The following EDEM1 variants were observed in gnomAD, a reference collection of about 807,000 sequenced individuals.
EDEM1 encodes the protein ER degradation-enhancing alpha-mannosidase-like protein 1.
In EDEM1, 67 loss-of-function variants were observed where a neutral mutation model predicts 74.4. That is an observed-to-expected ratio of 0.90 (90% confidence interval 0.74 to 1.10). The LOEUF (loss-of-function observed/expected upper bound fraction) is 1.10, where lower values mean the gene tolerates loss of function less well. Among genes scored for constraint, EDEM1 ranks in the 50% least tolerant of loss-of-function variants. The pLI is 0.00. For missense variants in EDEM1, 926 were observed against 851.6 expected, an observed-to-expected ratio of 1.09 and a Z score of -1.09; for synonymous variants, 382 against 335.9, an observed-to-expected ratio of 1.14 and a Z score of -1.50.
chr3:5,214,651 G>C (rs578259811), intron 11 of EDEM1, among the ~76,000 whole-genome samples: 3 of 152,210 alleles, frequency 2.0e-5, no homozygotes, highest in African/African-American at 7.2e-5. Flanking sequence ...CCTGTGAGGG[G>C]TGGTTACTTT....
rs564077520 is a variant in EDEM1, at chr3:5,191,404, T to A, written c.509+3090T>A. Among the ~76,000 whole-genome samples, 222 of 151,710 alleles carry A rather than the reference T, an allele frequency of 1.5e-3. 1 individual carries two copies. The highest frequency in any genetic ancestry group is 5.1e-3 in the African/African-American group (210 of 41,346). The stretch of plus-strand genomic sequence containing the variant: ...ATGCTCGGCTAATTTTTTTTTTTTT[T>A]AATTTTTCTGTAGAAGTGGGGTCTT... On this transcript the variant is annotated intron_variant, in intron 1 of 11. Coordinates refer to ENST00000256497, the MANE Select transcript of EDEM1 (RefSeq NM_014674.3).
In EDEM1 at chr3:5,216,046, A is replaced by G; in HGVS notation, c.*128A>G. 4.3e-6 allele frequency: 3 copies of G among 700,850 alleles called. No homozygotes were observed. In the South Asian group the frequency reaches 5.6e-5, roughly 13 times the overall value. The allele number at this position is 700,850 out of a possible 1,614,324, so 43.4% of individuals were successfully genotyped here. A position where few individuals can be genotyped will look rare whatever the true frequency, so the allele number is the denominator to read the frequency against. The stretch of plus-strand genomic sequence containing the variant: ...CATGGTGGTGTAGGAATTTCTGTGC[A>G]ACACCTCACCACGTCTGGTTAATCC... On this transcript the variant is annotated 3_prime_UTR_variant, in exon 12 of 12. Transcript: ENST00000256497.
Position 5,208,248 on chromosome 3 carries a change from A to G in EDEM1, c.1494A>G (p.Thr498=), listed in dbSNP as rs747459729. The G allele has an allele frequency of 5.6e-6, 9 of 1,608,944 alleles. No individual in the cohort carries two copies. In the East Asian group the frequency reaches 8.9e-5, roughly 16 times the overall value. Residue 498 remains threonine (T), a synonymous_variant, in exon 8 of 12, where the codon ACA becomes ACG. Coordinates refer to ENST00000256497, the MANE Select transcript of EDEM1 (RefSeq NM_014674.3). ...TGAGACCAGAGTTAGTGGAATCCAC[A>G]TATCTCCTCTACCAGGTACTAGAGT... is the stretch of plus-strand genomic sequence containing the variant. ...YPLRPELVES[T]YLLYQATKNP...
chr3:5,204,871 A>C (rs1347165183), intron 5 of EDEM1, among the ~76,000 whole-genome samples, 196 bp from the exon 6 acceptor site: 1 of 152,206 alleles, frequency 6.6e-6, no homozygotes. Flanking sequence ...AGTAAATGCT[A>C]TATATTTAGA....
rs766512630 is a variant in EDEM1, at chr3:5,188,236, A to G, written c.431A>G (p.Asn144Ser). The G allele has an allele frequency of 1.9e-6, 3 of 1,583,180 alleles. No homozygotes were observed. Among genetic ancestry groups the G allele is most frequent in the East Asian group, 2.4e-5 (1 of 41,386 alleles). ...ARGMFVFGYD[N>S]YMAHAFPQDE... Reference sequence around the variant, plus strand: ...GGCATGTTCGTCTTTGGCTACGACAACTACATGGCTCACGCCTTCCCCCAG... The same window carrying G: ...GGCATGTTCGTCTTTGGCTACGACAGCTACATGGCTCACGCCTTCCCCCAG... Residue 144 changes from asparagine to serine, a missense_variant, in exon 1 of 12, where the codon AAC (asparagine) becomes AGC (serine). Asn to Ser is a conservative substitution (Grantham distance 46). Coordinates refer to ENST00000256497, the MANE Select transcript of EDEM1 (RefSeq NM_014674.3).
rs2055120369 is a variant in EDEM1 at position 5,208,082 on chromosome 3, C to G, written c.1339-11C>G. 6.3e-7 allele frequency: 1 copy of G among 1,587,630 alleles called. No individual in the cohort carries two copies. The highest frequency in any genetic ancestry group is 8.5e-7 in the Non-Finnish European group (1 of 1,170,390). On this transcript the variant is annotated splice_polypyrimidine_tract_variant and intron_variant, in intron 7 of 11. Transcript: ENST00000256497. The stretch of plus-strand genomic sequence containing the variant: ...GGTATCTCAGCCTGATGACCTGTGT[C>G]CTCTCCTTAGGTGCTGATAGGAGAT...
Position 5,213,339 on chromosome 3 carries a change from A to G in EDEM1, c.1701A>G (p.Pro567=). The change falls in exon 11 of 12, where the codon CCA becomes CCG. Residue 567 remains proline, a synonymous_variant. Transcript: ENST00000256497. Reference sequence around the variant, plus strand: ...TCTAGCTGTTTGATGAAGACAATCCAGTACACAAGTCTGGAACCAGATACA... The same window carrying G: ...TCTAGCTGTTTGATGAAGACAATCCGGTACACAAGTCTGGAACCAGATACA... ...YLYLLFDEDN[P]VHKSGTRYMF... is the part of the protein sequence containing the mutation. 1 of 1,613,812 alleles carries G rather than the reference A, an allele frequency of 6.2e-7. No homozygotes were observed. Among genetic ancestry groups the G allele is most frequent in the Non-Finnish European group, 8.5e-7 (1 of 1,179,858 alleles).
Position 5,188,168 on chromosome 3 carries a change from C to G in EDEM1, c.363C>G (p.Ala121=). Residue 121 remains alanine, a synonymous_variant, in exon 1 of 12, where the codon GCC becomes GCG. Coordinates refer to ENST00000256497, the MANE Select transcript of EDEM1 (RefSeq NM_014674.3). ...PDEYEKRYSG[A]FPPQLRAQMR... is the part of the protein sequence containing the mutation. ...AGTACGAGAAGCGCTACAGCGGCGC[C>G]TTCCCTCCGCAGCTGCGTGCCCAGA... 6.4e-7 allele frequency: 1 copy of G among 1,554,220 alleles called. No homozygotes were observed. Among genetic ancestry groups the G allele is most frequent in the Non-Finnish European group, 8.7e-7 (1 of 1,151,422 alleles).
At chr3:5,204,986 G>C (rs1406513589) in intron 5 of EDEM1, 81 bp from the exon 6 acceptor site, 6 of 1,487,642 alleles carry the variant, frequency 4.0e-6, no homozygotes, top group Non-Finnish European at 5.5e-6. Flanking sequence ...GAGCAGTGTG[G>C]TTGGAGTAGG....
At chr3:5,192,547 G>C (rs2054913969) in intron 1 of EDEM1, among the ~76,000 whole-genome samples, 1 of 152,218 alleles carries the variant, frequency 6.6e-6, no homozygotes, top group Admixed American at 6.5e-5. Flanking sequence ...GCGTTTAGTT[G>C]TGCGGTTCAG....
chr3:5,198,662 C>CTT lies in EDEM1; in HGVS notation c.583-909_583-908dup, dbSNP rs57260414. Reference sequence around the variant, plus strand: ...GGTAAATTGTAAGGGACGTATATAGCTTTTTTTTTTTTTTTTTTTTTTGAA... The same window carrying CTT: ...GGTAAATTGTAAGGGACGTATATAGCTTTTTTTTTTTTTTTTTTTTTTTTGAA... On this transcript the variant is annotated intron_variant, in intron 2 of 11. Coordinates refer to ENST00000256497, the MANE Select transcript of EDEM1 (RefSeq NM_014674.3). Among the ~76,000 whole-genome samples the CTT allele has an allele frequency of 3.1e-4, 23 of 75,152 alleles. 1 individual carries two copies. The highest frequency in any genetic ancestry group is 8.2e-4 in the African/African-American group (18 of 21,874). 49.3% of individuals were successfully genotyped at this position (75,152 alleles called of 152,430 possible). A position where few individuals can be genotyped will look rare whatever the true frequency, so the allele number is the denominator to read the frequency against.
intron 2 of EDEM1, among the ~76,000 whole-genome samples, chr3:5,196,182 C>A (rs148404531): frequency 6.6e-6 from 1 of 152,178 alleles, no homozygotes; most frequent in African/African-American, 2.4e-5. Flanking sequence ...TGGGGCCGGG[C>A]GCAGTGGCTC....
chr3:5,201,162 AT>A (rs1171459924), intron 3 of EDEM1, among the ~76,000 whole-genome samples: 44 of 141,242 alleles, frequency 3.1e-4, no homozygotes, highest in Admixed American at 4.9e-4. Context: ...GTACACTCTT[AT>A]TTTTTTTTTT....
intron 1 of EDEM1, among the ~76,000 whole-genome samples, chr3:5,190,466 T>C (rs1162676865): frequency 6.6e-6 from 1 of 152,244 alleles, no homozygotes; most frequent in African/African-American, 2.4e-5. Flanking sequence ...CTGGAGAACC[T>C]TAAGAATCCC....
At chr3:5,193,172 C>A (rs1393033584) in intron 1 of EDEM1, among the ~76,000 whole-genome samples, 11 of 152,160 alleles carry the variant, frequency 7.2e-5, no homozygotes, top group Admixed American at 3.3e-4. Context: ...TGATTACCAT[C>A]TAGCTTGGAT....
At chr3:5,202,065 T>A in intron 4 of EDEM1, 141 bp downstream of exon 4, 3 of 1,050,598 alleles carry the variant, frequency 2.9e-6, no homozygotes, top group Non-Finnish European at 4.0e-6. Context: ...AATTTGGCCT[T>A]AAATATGATG....
intron 8 of EDEM1, among the ~76,000 whole-genome samples, chr3:5,209,171 C>T (rs1019045642): frequency 3.5e-4 from 53 of 152,142 alleles, no homozygotes; most frequent in Admixed American, 2.6e-3. Flanking sequence ...CCGTTTGCTT[C>T]AGATGAAAAA....
intron 1 of EDEM1, among the ~76,000 whole-genome samples, chr3:5,192,255 G>T (rs548797202): frequency 6.6e-6 from 1 of 152,210 alleles, no homozygotes; most frequent in African/African-American, 2.4e-5. Context: ...ATTTCCCTTT[G>T]TCTTGTCTCT....
chr3:5,211,576 G>A (rs962582276), intron 10 of EDEM1, among the ~76,000 whole-genome samples: 2 of 152,176 alleles, frequency 1.3e-5, no homozygotes, highest in Non-Finnish European at 2.9e-5. Context: ...TTCTCTTGAT[G>A]TATGTGATCT....
Sources: allele counts gnomAD v4.1 joint callset (sites outside exome capture counted in the v4.1 genomes callset), GRCh38; gene constraint gnomAD v4.1.1; transcripts MANE v1.5; gene names NCBI Gene and HGNC (gene_info 2026-07-23, HGNC 2026-07-21).